DIP2C: variants seen among roughly 807,000 people sequenced by gnomAD.
DIP2C encodes DIP2 acetate--CoA ligase C (putative), also known as disco-interacting protein 2 homolog C.
Under a neutral mutation model 192.4 loss-of-function variants are expected in DIP2C, and 33 were observed. The ratio of observed to expected loss-of-function variants is 0.17; its 90% CI spans 0.13 to 0.23. The LOEUF (loss-of-function observed/expected upper bound fraction) is 0.23. Among genes scored for constraint, DIP2C ranks in the 10% least tolerant of loss-of-function variants. The pLI is 1.00. For missense variants in DIP2C, 1,537 were observed against 2,110.1 expected, an observed-to-expected ratio of 0.73 and a Z score of 5.32; for synonymous variants, 979 against 864.1, an observed-to-expected ratio of 1.13 and a Z score of -2.33.
intron 9 of DIP2C, among the ~76,000 whole-genome samples, chr10:402,285 G>A (rs1315165453): frequency 2.1e-4 from 3 of 14,124 alleles, no homozygotes; most frequent in Non-Finnish European, 2.0e-3. Context: ...TTTGGTATGT[G>A]TTCATCAGCA....
At chr10:499,308 GTGTGGACGGCTGGGCTCCCCCTC>G (rs530972687) in intron 1 of DIP2C, among the ~76,000 whole-genome samples, 2,230 of 152,298 alleles carry the variant, frequency 0.015, 20 homozygotes, top group African/African-American at 0.021. Flanking sequence ...CCTTCTCCCT[GTGTGGACGGCTGGGCTCCCCCTC>G]TGTGGACCGC....
chr10:411,253 G>GTATA (rs1403373543), intron 8 of DIP2C, among the ~76,000 whole-genome samples: 2 of 152,240 alleles, frequency 1.3e-5, no homozygotes, highest in East Asian at 3.8e-4. Flanking sequence ...CCAGATGAAC[G>GTATA]TATAGGTCTC....
chr10:593,318 T>G (rs1173066094), intron 1 of DIP2C, among the ~76,000 whole-genome samples: 2 of 152,240 alleles, frequency 1.3e-5, no homozygotes, highest in East Asian at 1.9e-4. Context: ...AGTGTAACCC[T>G]AAGTCCACGT....
At chr10:541,978 A>C (rs1424292652) in intron 1 of DIP2C, among the ~76,000 whole-genome samples, 1 of 152,174 alleles carries the variant, frequency 6.6e-6, no homozygotes, top group Admixed American at 6.5e-5. Flanking sequence ...GCCGCGTGCC[A>C]GGACACGCCC....
rs201127465 is a variant in DIP2C at position 397,171 on chromosome 10, TG to T, written c.1260+1937del. On this transcript the variant is annotated intron_variant, in intron 10 of 36. Coordinates refer to ENST00000280886, the MANE Select transcript of DIP2C (RefSeq NM_014974.3). ...CAAAGACAGCTGAAGTTTCTTTGCCTGGGCTACCTGTGATTGTTGCCTTTTA... is the reference window on the plus strand; with the variant it reads ...CAAAGACAGCTGAAGTTTCTTTGCCTGGCTACCTGTGATTGTTGCCTTTTA... Among the ~76,000 whole-genome samples the T allele has an allele frequency of 6.0e-3, 913 of 152,282 alleles. 3 individuals are homozygous for T. Among genetic ancestry groups the T allele is most frequent in the Middle Eastern group, 0.014 (4 of 294 alleles).
At chr10:657,466 T>C (rs1215714507) in intron 1 of DIP2C, among the ~76,000 whole-genome samples, 4 of 2,218 alleles carry the variant, frequency 1.8e-3, no homozygotes, top group Non-Finnish European at 4.0e-3. Flanking sequence ...GCTGGACCTG[T>C]CCCTGGACCT....
chr10:378,501 G>A lies in DIP2C; in HGVS notation c.1991+4146C>T, dbSNP rs530377127. 9.2e-5 allele frequency among the ~76,000 whole-genome samples: 14 copies of A among 151,798 alleles called. No homozygotes were observed. In the South Asian group the frequency reaches 1.3e-3, roughly 14 times the overall value. ...CATGCATACATGTGAACACAGACAT[G>A]CATAAAGACACGTGAACACACATGC... On this transcript the variant is annotated intron_variant, in intron 17 of 36. Transcript: ENST00000280886.
chr10:282,306 C>T (rs1347533365), intron 35 of DIP2C, among the ~76,000 whole-genome samples: 1 of 152,166 alleles, frequency 6.6e-6, no homozygotes, highest in East Asian at 1.9e-4. Flanking sequence ...CTATAAATTG[C>T]CACCAGCTTT....
At chr10:536,231 C>CACA (rs1847684517) in intron 1 of DIP2C, among the ~76,000 whole-genome samples, 1 of 152,260 alleles carries the variant, frequency 6.6e-6, no homozygotes, top group Non-Finnish European at 1.5e-5. Flanking sequence ...TCTGCCTTCA[C>CACA]ACAGCCCTTT....
chr10:389,398 C>G (rs777390133), intron 13 of DIP2C, among the ~76,000 whole-genome samples: 3 of 151,862 alleles, frequency 2.0e-5, no homozygotes, highest in African/African-American at 7.3e-5. Flanking sequence ...GTTCCCTCCA[C>G]TCACTTCCCC....
At chr10:327,711 T>G (rs1225955480) in intron 30 of DIP2C, among the ~76,000 whole-genome samples, 1 of 152,208 alleles carries the variant, frequency 6.6e-6, no homozygotes, top group Admixed American at 6.5e-5. Flanking sequence ...AAAACCTACA[T>G]TTTAATATAT....
chr10:558,309 C>CCG (rs1338517303), intron 1 of DIP2C, among the ~76,000 whole-genome samples: 11 of 152,328 alleles, frequency 7.2e-5, no homozygotes, highest in Admixed American at 3.9e-4. Flanking sequence ...AACCCACCTC[C>CCG]CGCTTCCTGA....
chr10:588,172 T>C (rs1304595720), intron 1 of DIP2C, among the ~76,000 whole-genome samples: 7 of 103,694 alleles, frequency 6.8e-5, no homozygotes, highest in African/African-American at 3.0e-4. Context: ...GCCTCAGCCC[T>C]GACCCTGCGG....
chr10:645,500 C>T (rs1414262386), intron 1 of DIP2C, among the ~76,000 whole-genome samples: 1 of 152,086 alleles, frequency 6.6e-6, no homozygotes, highest in African/African-American at 2.4e-5. Context: ...TGTTATTTCC[C>T]ATCTGTTAAA....
At chr10:449,069 C>G (rs547062266) in intron 3 of DIP2C, among the ~76,000 whole-genome samples, 43 of 151,162 alleles carry the variant, frequency 2.8e-4, no homozygotes, top group Admixed American at 9.2e-4. Flanking sequence ...CCTGCTCACT[C>G]CCGTCGATAC....
chr10:602,426 C>T (rs555113956), intron 1 of DIP2C, among the ~76,000 whole-genome samples: 28 of 152,246 alleles, frequency 1.8e-4, no homozygotes, highest in Non-Finnish European at 3.1e-4. Flanking sequence ...ACCTCACGCA[C>T]ACTGAAGCAA....
chr10:282,466 G>A (rs1954880659), intron 35 of DIP2C, among the ~76,000 whole-genome samples: 1 of 152,366 alleles, frequency 6.6e-6, no homozygotes, highest in African/African-American at 2.4e-5. Context: ...ATGTAAGGAA[G>A]CCTTACTGAT....
At chr10:460,979 C>A (rs1203662233) in intron 3 of DIP2C, among the ~76,000 whole-genome samples, 1 of 152,102 alleles carries the variant, frequency 6.6e-6, no homozygotes. Flanking sequence ...GAAATATAAT[C>A]ATTTACAGAC....
intron 1 of DIP2C, among the ~76,000 whole-genome samples, chr10:573,479 A>G (rs975982886): frequency 6.6e-6 from 1 of 152,158 alleles, no homozygotes; most frequent in Non-Finnish European, 1.5e-5. Context: ...CGCCATCTCC[A>G]CTCACTGCAA....
Sources: allele counts gnomAD v4.1 joint callset (sites outside exome capture counted in the v4.1 genomes callset), GRCh38; gene constraint gnomAD v4.1.1; transcripts MANE v1.5; gene names NCBI Gene and HGNC (gene_info 2026-07-23, HGNC 2026-07-21).